The following C1orf21 variants were observed in gnomAD, a reference collection of about 807,000 sequenced individuals.
C1orf21 encodes uncharacterized protein C1orf21.
In C1orf21, 3 loss-of-function variants were observed where a neutral mutation model predicts 18.7. The ratio of observed to expected loss-of-function variants is 0.16; its 90% CI spans 0.07 to 0.42. The LOEUF is 0.42. Ranked by LOEUF, C1orf21 falls within the 10% of genes least tolerant of loss-of-function variation. C1orf21 has a pLI of 0.99. For synonymous variants in C1orf21, 41 were observed against 46.4 expected (o/e 0.88, Z 0.47); for missense variants, 104 against 143.6 (o/e 0.72, Z 1.41).
chr1:184,556,545 T>C (rs1273262200), intron 3 of C1orf21, among the ~76,000 whole-genome samples: 1 of 152,236 alleles, frequency 6.6e-6, no homozygotes, highest in East Asian at 1.9e-4. Context: ...CCCTCCACCG[T>C]CTTGGCCACC....
rs1659893754 is a variant in C1orf21 at position 184,620,125 on chromosome 1, T to A, written c.*569T>A. ...AAGAAGTAGAGAAGCTATTATCAAT[T>A]AAAAGCATGCTGTGATGTGACTCCT... On this transcript the variant is annotated 3_prime_UTR_variant, in exon 6 of 6. Coordinates refer to ENST00000235307, the MANE Select transcript of C1orf21 (RefSeq NM_030806.4). The A allele has an allele frequency of 6.6e-6, 1 of 152,646 alleles. No individual in the cohort carries two copies. The allele number at this position is 152,646 out of a possible 1,614,324, so 9.5% of individuals were successfully genotyped here. A position where few individuals can be genotyped will look rare whatever the true frequency, so the allele number is the denominator to read the frequency against.
intron 3 of C1orf21, among the ~76,000 whole-genome samples, chr1:184,578,192 G>A (rs1002885002): frequency 6.6e-6 from 1 of 151,982 alleles, no homozygotes; most frequent in South Asian, 2.1e-4. Flanking sequence ...TCCTGACCTC[G>A]TGATCCACCC....
At chr1:184,618,644 C>CG (rs11395747) in intron 5 of C1orf21, among the ~76,000 whole-genome samples, 1 of 148,734 alleles carries the variant, frequency 6.7e-6, no homozygotes. Flanking sequence ...ATTCCCCCCC[C>CG]CCAAGAAAAA....
intron 4 of C1orf21, among the ~76,000 whole-genome samples, chr1:184,595,194 T>C (rs1038781315): frequency 6.6e-6 from 1 of 152,230 alleles, no homozygotes; most frequent in Non-Finnish European, 1.5e-5. Flanking sequence ...CAGGTACCAA[T>C]GTGCAGGCTT....
At chr1:184,502,474 T>C (rs568902516) in intron 2 of C1orf21, among the ~76,000 whole-genome samples, 192 of 152,152 alleles carry the variant, frequency 1.3e-3, no homozygotes, top group African/African-American at 4.4e-3. Flanking sequence ...CAAGCAATAA[T>C]AAGCACCACC....
At chr1:184,417,152 A>C (rs1193080719) in intron 1 of C1orf21, among the ~76,000 whole-genome samples, 6 of 152,166 alleles carry the variant, frequency 3.9e-5, no homozygotes, top group Admixed American at 1.3e-4. Flanking sequence ...AGTGCTTGAC[A>C]CTAAGAGGGA....
At chr1:184,408,990 G>A (rs1459464957) in intron 1 of C1orf21, among the ~76,000 whole-genome samples, 1 of 152,232 alleles carries the variant, frequency 6.6e-6, no homozygotes, top group Non-Finnish European at 1.5e-5. Flanking sequence ...AATGGGTTTG[G>A]ATGTCAGCAT....
intron 3 of C1orf21, among the ~76,000 whole-genome samples, chr1:184,582,019 T>C (rs1293846203): frequency 6.6e-6 from 1 of 152,276 alleles, no homozygotes; most frequent in East Asian, 1.9e-4. Context: ...CAGGTAATTG[T>C]ATTGATACTG....
intron 3 of C1orf21, among the ~76,000 whole-genome samples, chr1:184,574,062 G>T (rs1659151077): frequency 6.6e-6 from 1 of 151,980 alleles, no homozygotes; most frequent in Non-Finnish European, 1.5e-5. Flanking sequence ...AAAATTAGCT[G>T]GGCGTGGTGG....
intron 3 of C1orf21, among the ~76,000 whole-genome samples, chr1:184,525,051 T>C (rs1298180694): frequency 1.3e-5 from 2 of 152,066 alleles, no homozygotes; most frequent in Non-Finnish European, 2.9e-5. Flanking sequence ...GAAAGTCTCT[T>C]ACACATCATG....
chr1:184,525,110 A>T (rs1658359958), intron 3 of C1orf21, among the ~76,000 whole-genome samples: 1 of 151,914 alleles, frequency 6.6e-6, no homozygotes, highest in Non-Finnish European at 1.5e-5. Context: ...AAATAAACAT[A>T]CCTGCAGGGA....
At chr1:184,572,813 A>T (rs1985703) in intron 3 of C1orf21, among the ~76,000 whole-genome samples, 24 of 152,006 alleles carry the variant, frequency 1.6e-4, no homozygotes, top group Non-Finnish European at 3.1e-4. Flanking sequence ...TCAGCCACGC[A>T]TGGTGGCATG....
chr1:184,464,932 C>A (rs1657365299), intron 1 of C1orf21, among the ~76,000 whole-genome samples: 1 of 151,374 alleles, frequency 6.6e-6, no homozygotes, highest in South Asian at 2.1e-4. Flanking sequence ...TCTCTCTCCG[C>A]CTCTCTCTCT....
At chr1:184,515,293 T>C (rs1658207683) in intron 3 of C1orf21, among the ~76,000 whole-genome samples, 1 of 152,216 alleles carries the variant, frequency 6.6e-6, no homozygotes, top group Non-Finnish European at 1.5e-5. Context: ...ATCTGTGTGC[T>C]TTAAAATTGA....
At chr1:184,524,812 A>G (rs1005175018) in intron 3 of C1orf21, among the ~76,000 whole-genome samples, 1 of 152,106 alleles carries the variant, frequency 6.6e-6, no homozygotes, top group Non-Finnish European at 1.5e-5. Context: ...ATCAAAATGT[A>G]TACGGTTTCT....
chr1:184,598,050 A>G (rs919562548), intron 4 of C1orf21, among the ~76,000 whole-genome samples: 1 of 151,962 alleles, frequency 6.6e-6, no homozygotes, highest in East Asian at 1.9e-4. Context: ...TTTTCAATAC[A>G]CTGTTGAAAT....
intron 1 of C1orf21, among the ~76,000 whole-genome samples, chr1:184,402,207 C>T (rs1018221326): frequency 2.0e-5 from 3 of 152,116 alleles, no homozygotes; most frequent in African/African-American, 7.2e-5. Flanking sequence ...TAATGGCTAC[C>T]ATTTTGGACA....
intron 1 of C1orf21, among the ~76,000 whole-genome samples, chr1:184,474,665 T>A (rs769668925): frequency 6.6e-6 from 1 of 152,170 alleles, no homozygotes; most frequent in Admixed American, 6.5e-5. Flanking sequence ...AGAGGATGAT[T>A]GTTAAGTTGT....
intron 1 of C1orf21, among the ~76,000 whole-genome samples, chr1:184,446,900 C>T (rs181273085): frequency 1.0e-3 from 143 of 140,100 alleles, no homozygotes; most frequent in Non-Finnish European, 1.7e-3. Context: ...CGGGATGAAA[C>T]GATGACTTGA....
Sources: gnomAD v4.1 joint callset for allele counts (sites outside exome capture counted in the v4.1 genomes callset) on GRCh38, gnomAD v4.1.1 for gene constraint, MANE v1.5 for transcripts, NCBI Gene and HGNC (gene_info 2026-07-23, HGNC 2026-07-21) for gene names.